Variants in UTRN observed in about 807,000 individuals in gnomAD.
UTRN encodes the protein utrophin, also known as dystrophin-related protein 1.
In UTRN, 283 loss-of-function variants were observed where a neutral mutation model predicts 463.9. The observed-to-expected ratio is 0.61, with a 90% CI of 0.55 to 0.67. The LOEUF (loss-of-function observed/expected upper bound fraction) is 0.67, where lower values mean the gene tolerates loss of function less well. Ranked by LOEUF, UTRN falls within the 30% of genes least tolerant of loss-of-function variation. The pLI is 0.00. For missense variants in UTRN, 3,922 were observed against 4,084.3 expected (o/e 0.96, Z 1.08); for synonymous variants, 1,442 against 1,431.5 (o/e 1.01, Z -0.17).
At position 144,498,078 on chromosome 6, in the gene UTRN, A is replaced by G. The variant is rs79055908; in HGVS notation, c.4594-1179A>G. Among the ~76,000 whole-genome samples, 375 of 152,348 alleles carry G rather than the reference A, an allele frequency of 2.5e-3. 13 individuals carry two copies. The East Asian group carries it at 0.059, about 24-fold the overall frequency. On this transcript the variant is annotated intron_variant, in intron 33 of 74. Coordinates refer to ENST00000367545, the MANE Select transcript of UTRN (RefSeq NM_007124.3). ...GATGGTATTTTGACAGAGTGCAGTT[A>G]CCTGTTTTGGATATTTTGAAAGTTA...
At chr6:144,430,373 G>A (rs571676669) in intron 9 of UTRN, among the ~76,000 whole-genome samples, 1 of 152,090 alleles carries the variant, frequency 6.6e-6, no homozygotes, top group Non-Finnish European at 1.5e-5. Context: ...ATCTCATTCT[G>A]TTTTAGTCTA....
At chr6:144,303,800 G>A (rs2114539201) in intron 2 of UTRN, among the ~76,000 whole-genome samples, 1 of 152,282 alleles carries the variant, frequency 6.6e-6, no homozygotes, top group South Asian at 2.1e-4. Flanking sequence ...ACAGCTAAGA[G>A]AAAATCTATA....
At chr6:144,618,900 T>C (rs978378977) in intron 51 of UTRN, among the ~76,000 whole-genome samples, 1 of 152,120 alleles carries the variant, frequency 6.6e-6, no homozygotes, top group Non-Finnish European at 1.5e-5. Flanking sequence ...TATTTAGGTA[T>C]AGTATTTAAC....
chr6:144,372,338 G>T (rs1386763596), intron 2 of UTRN, among the ~76,000 whole-genome samples: 1 of 152,078 alleles, frequency 6.6e-6, no homozygotes, highest in Non-Finnish European at 1.5e-5. Flanking sequence ...CTGTTAAATG[G>T]GATAGTAATA....
chr6:144,418,573 TTTG>T (rs1328945167), intron 3 of UTRN, among the ~76,000 whole-genome samples: 1 of 151,574 alleles, frequency 6.6e-6, no homozygotes, highest in Non-Finnish European at 1.5e-5. Flanking sequence ...TGTTTGTTTG[TTTG>T]TTTTTTTGAG....
chr6:144,585,673 T>C (rs755530721), intron 51 of UTRN, among the ~76,000 whole-genome samples: 18 of 152,154 alleles, frequency 1.2e-4, no homozygotes, highest in Non-Finnish European at 2.5e-4. Context: ...AAATACTTAA[T>C]TGTATTTTAA....
At chr6:144,407,197 T>C (rs1290986030) in intron 3 of UTRN, among the ~76,000 whole-genome samples, 2 of 152,190 alleles carry the variant, frequency 1.3e-5, no homozygotes, top group Non-Finnish European at 2.9e-5. Context: ...GCAGGGACTT[T>C]CTATTTGCTT....
intron 69 of UTRN, among the ~76,000 whole-genome samples, chr6:144,832,544 A>G (rs745864373): frequency 4.6e-5 from 7 of 152,174 alleles, no homozygotes; most frequent in Non-Finnish European, 8.8e-5. Flanking sequence ...AATATTAAGC[A>G]CTGAAGTTAA....
At chr6:144,372,052 C>CTTCCTT (rs915486687) in intron 2 of UTRN, among the ~76,000 whole-genome samples, 17 of 152,228 alleles carry the variant, frequency 1.1e-4, no homozygotes, top group African/African-American at 4.1e-4. Context: ...CAAGTTTTGC[C>CTTCCTT]TTCCTTTTAA....
chr6:144,345,493 A>G (rs1202412241), intron 2 of UTRN, among the ~76,000 whole-genome samples: 2 of 152,102 alleles, frequency 1.3e-5, no homozygotes, highest in Admixed American at 1.3e-4. Flanking sequence ...TGGGCAACAC[A>G]GGGAGATTCC....
chr6:144,588,039 G>A (rs974649631), intron 51 of UTRN, among the ~76,000 whole-genome samples: 3 of 152,134 alleles, frequency 2.0e-5, no homozygotes, highest in Non-Finnish European at 4.4e-5. Context: ...GATGCTGTAG[G>A]TGTGTTTCCT....
At chr6:144,402,789 GA>G (rs1783039950) in intron 2 of UTRN, among the ~76,000 whole-genome samples, 1 of 152,170 alleles carries the variant, frequency 6.6e-6, no homozygotes, top group Non-Finnish European at 1.5e-5. Flanking sequence ...AAATGTAGCA[GA>G]AAGTGCTACG....
chr6:144,333,962 A>G (rs1776524223), intron 2 of UTRN, among the ~76,000 whole-genome samples: 1 of 152,222 alleles, frequency 6.6e-6, no homozygotes, highest in South Asian at 2.1e-4. Context: ...GATAGTCACT[A>G]GGTATTAAAA....
intron 51 of UTRN, among the ~76,000 whole-genome samples, chr6:144,628,581 T>C (rs1776184560): frequency 6.6e-6 from 1 of 152,242 alleles, no homozygotes; most frequent in South Asian, 2.1e-4. Flanking sequence ...TTTTCTCTAA[T>C]AGACATGCTT....
At chr6:144,558,265 G>A (rs1227775000) in intron 50 of UTRN, among the ~76,000 whole-genome samples, 2 of 152,188 alleles carry the variant, frequency 1.3e-5, no homozygotes, top group Admixed American at 1.3e-4. Flanking sequence ...AGAGGGTTAT[G>A]ATGGCACAAT....
chr6:144,445,475 C>T (rs762161820), intron 14 of UTRN, among the ~76,000 whole-genome samples: 1 of 151,356 alleles, frequency 6.6e-6, no homozygotes, highest in Non-Finnish European at 1.5e-5. Flanking sequence ...GGAAAAAACT[C>T]AAGTGTGTGA....
chr6:144,505,951 T>C (rs1186959471), intron 34 of UTRN, among the ~76,000 whole-genome samples: 2 of 152,218 alleles, frequency 1.3e-5, no homozygotes, highest in African/African-American at 4.8e-5. Flanking sequence ...ATTGGGTGCA[T>C]ATATATTTAG....
At chr6:144,754,605 C>G in intron 56 of UTRN, 115 bp from the exon 57 acceptor site, 1 of 642,700 alleles carries the variant, frequency 1.6e-6, no homozygotes, top group South Asian at 2.2e-5. Context: ...TCTATATAAA[C>G]AATCATATCC....
intron 5 of UTRN, 35 bp from the exon 6 acceptor site, chr6:144,423,951 C>CGTTTTT (rs1224532287): frequency 1.3e-6 from 2 of 1,595,006 alleles, no homozygotes; most frequent in African/African-American, 2.7e-5. Context: ...GTCTTAAAAG[C>CGTTTTT]GTTTTTGTTT....
Sources: allele counts gnomAD v4.1 joint callset (sites outside exome capture counted in the v4.1 genomes callset), GRCh38; gene constraint gnomAD v4.1.1; transcripts MANE v1.5; gene names NCBI Gene and HGNC (gene_info 2026-07-23, HGNC 2026-07-21).